Variants in TMEM232 observed in about 807,000 individuals in gnomAD.
The protein encoded by TMEM232 is transmembrane protein 232.
TMEM232 carries 80 observed loss-of-function variants against 78.8 expected under a neutral mutation model. The ratio of observed to expected loss-of-function variants is 1.01; its 90% CI spans 0.85 to 1.22. The LOEUF is 1.22. TMEM232 is among the 50% of genes most tolerant of loss of function. The pLI is 0.00. For missense variants in TMEM232, 881 were observed against 742.2 expected, an observed-to-expected ratio of 1.19 and a Z score of -2.17; for synonymous variants, 297 against 254.3, an observed-to-expected ratio of 1.17 and a Z score of -1.60.
At chr5:110,618,593 A>C in intron 7 of TMEM232, 31 bp from the exon 8 acceptor site, 2 of 1,514,518 alleles carry the variant, frequency 1.3e-6, no homozygotes, top group Non-Finnish European at 1.8e-6. Context: ...TCAGGAATTA[A>C]AATATAAAAA....
intron 1 of TMEM232, among the ~76,000 whole-genome samples, chr5:110,703,774 C>T (rs1795662431): frequency 2.0e-5 from 3 of 152,056 alleles, no homozygotes; most frequent in Admixed American, 2.0e-4. Flanking sequence ...TTTGTAAAAT[C>T]AGGCCCATTT....
chr5:110,604,969 T>C, intron 10 of TMEM232, 140 bp downstream of exon 10: 3 of 986,310 alleles, frequency 3.0e-6, no homozygotes, highest in South Asian at 1.8e-5. Flanking sequence ...AAATAAATCA[T>C]GCTATATTCT....
chr5:110,473,087 T>C (rs1453988136), intron 12 of TMEM232, among the ~76,000 whole-genome samples: 2 of 149,908 alleles, frequency 1.3e-5, no homozygotes, highest in African/African-American at 2.4e-5. Context: ...AATAAGATTA[T>C]ATCAAACATA....
intron 8 of TMEM232, among the ~76,000 whole-genome samples, chr5:110,616,967 T>C (rs527379831): frequency 6.6e-6 from 1 of 152,322 alleles, no homozygotes; most frequent in South Asian, 2.1e-4. Context: ...GTTGAAGAGA[T>C]AACTGAACTA....
intron 1 of TMEM232, among the ~76,000 whole-genome samples, chr5:110,681,330 G>C (rs541847461): frequency 6.6e-6 from 1 of 152,288 alleles, no homozygotes; most frequent in African/African-American, 2.4e-5. Context: ...GCTTCCGGGA[G>C]GAGCAGGGCA....
intron 2 of TMEM232, among the ~76,000 whole-genome samples, chr5:110,734,606 G>C (rs988996700): frequency 2.0e-5 from 3 of 152,008 alleles, no homozygotes; most frequent in African/African-American, 7.2e-5. Flanking sequence ...GAATAAACTC[G>C]GCAATTAAGA....
intron 10 of TMEM232, among the ~76,000 whole-genome samples, chr5:110,578,743 C>T (rs555546191): frequency 1.8e-4 from 28 of 151,780 alleles, no homozygotes; most frequent in Admixed American, 7.2e-4. Flanking sequence ...ATAGAAAACA[C>T]TGGACTCTCT....
intron 12 of TMEM232, among the ~76,000 whole-genome samples, chr5:110,441,688 A>T (rs529960726): frequency 6.6e-6 from 1 of 152,290 alleles, no homozygotes; most frequent in South Asian, 2.1e-4. Flanking sequence ...TGATAAATTG[A>T]GTTGCCTTAC....
At chr5:110,433,712 T>A (rs1020522544) in intron 12 of TMEM232, among the ~76,000 whole-genome samples, 1 of 150,124 alleles carries the variant, frequency 6.7e-6, no homozygotes, top group Non-Finnish European at 1.5e-5. Flanking sequence ...ATGCATTTGC[T>A]GAATTTATTG....
intron 10 of TMEM232, among the ~76,000 whole-genome samples, chr5:110,601,702 T>C (rs1780924851): frequency 6.6e-6 from 1 of 152,142 alleles, no homozygotes; most frequent in African/African-American, 2.4e-5. Flanking sequence ...ATCAATATCA[T>C]AAAAATGGCA....
intron 10 of TMEM232, among the ~76,000 whole-genome samples, chr5:110,599,053 T>C (rs780571604): frequency 1.3e-5 from 2 of 152,018 alleles, no homozygotes; most frequent in Non-Finnish European, 2.9e-5. Flanking sequence ...CAGAATTTCA[T>C]ATCAAGCCAA....
intron 12 of TMEM232, among the ~76,000 whole-genome samples, chr5:110,506,127 TG>T (rs1766866977): frequency 6.6e-6 from 1 of 152,222 alleles, no homozygotes; most frequent in Non-Finnish European, 1.5e-5. Flanking sequence ...TAATGTTCTG[TG>T]GTACCAGTTA....
intron 2 of TMEM232, among the ~76,000 whole-genome samples, chr5:110,412,845 A>T (rs1756048221): frequency 6.6e-6 from 1 of 152,208 alleles, no homozygotes; most frequent in Non-Finnish European, 1.5e-5. Flanking sequence ...TTAGAAAAGC[A>T]TACTAAACTT....
intron 4 of TMEM232, among the ~76,000 whole-genome samples, chr5:110,640,548 T>C (rs1007260246): frequency 6.6e-6 from 1 of 152,098 alleles, no homozygotes; most frequent in African/African-American, 2.4e-5. Context: ...TAAGTAATAA[T>C]TATAAAATGA....
chr5:110,391,826 T>G lies in TMEM232; in HGVS notation n.391-1186A>C, dbSNP rs142822588. On this transcript the variant is annotated intron_variant and non_coding_transcript_variant, in intron 3 of 8. Transcript: ENST00000507188. ...TACTCCACTTGTAAAAACAGAAGAATGAAAATTACTGAGCTGGACTATACA... is the reference window on the plus strand; with the variant it reads ...TACTCCACTTGTAAAAACAGAAGAAGGAAAATTACTGAGCTGGACTATACA... 3.5e-4 allele frequency among the ~76,000 whole-genome samples: 54 copies of G among 152,260 alleles called. 2 individuals are homozygous for G. In the East Asian group the frequency reaches 7.3e-3, roughly 21 times the overall value.
intron 12 of TMEM232, among the ~76,000 whole-genome samples, chr5:110,452,423 T>C (rs1225624676): frequency 6.6e-6 from 1 of 152,174 alleles, no homozygotes. Flanking sequence ...TTGGGATTGA[T>C]TTTGTAGCAT....
chr5:110,405,128 A>T (rs1285271214), intron 2 of TMEM232, among the ~76,000 whole-genome samples: 2 of 152,110 alleles, frequency 1.3e-5, no homozygotes, highest in African/African-American at 4.8e-5. Flanking sequence ...TTGCATCTCA[A>T]CTTTCTCTCA....
chr5:110,596,056 C>A (rs942477162), intron 10 of TMEM232, among the ~76,000 whole-genome samples: 7 of 152,062 alleles, frequency 4.6e-5, no homozygotes, highest in African/African-American at 1.7e-4. Flanking sequence ...AAGGGAAGCC[C>A]ATCAGACTAA....
intron 12 of TMEM232, among the ~76,000 whole-genome samples, chr5:110,469,131 C>T (rs530020157): frequency 1.3e-5 from 2 of 152,272 alleles, no homozygotes; most frequent in Admixed American, 1.3e-4. Flanking sequence ...AGGGAGCTGT[C>T]TGGAGTCCAT....
Sources: allele counts gnomAD v4.1 joint callset (sites outside exome capture counted in the v4.1 genomes callset), GRCh38; gene constraint gnomAD v4.1.1; transcripts MANE v1.5; gene names NCBI Gene and HGNC (gene_info 2026-07-23, HGNC 2026-07-21).